Variants in KCNQ5 observed in about 807,000 individuals in gnomAD.
KCNQ5 encodes potassium voltage-gated channel subfamily Q member 5, also known as potassium voltage-gated channel subfamily KQT member 5.
In KCNQ5, 30 loss-of-function variants were observed where a neutral mutation model predicts 98.2. The ratio of observed to expected loss-of-function variants is 0.31; its 90% CI spans 0.23 to 0.41. The LOEUF (loss-of-function observed/expected upper bound fraction) is 0.41, where lower values mean the gene tolerates loss of function less well. Ranked by LOEUF, KCNQ5 falls within the 10% of genes least tolerant of loss-of-function variation. The probability of loss-of-function intolerance (pLI) is 1.00; values close to 1 mark genes in which losing one functional copy is unlikely to be tolerated. For missense variants in KCNQ5, 835 were observed against 1,182.5 expected (o/e 0.71, Z 4.31); for synonymous variants, 458 against 449.4 (o/e 1.02, Z -0.24).
In KCNQ5 at chr6:72,645,571, A is replaced by G. The variant is rs79881484; in HGVS notation, c.398+22984A>G. 9.8e-3 allele frequency among the ~76,000 whole-genome samples: 1,488 copies of G among 152,246 alleles called. 24 individuals are homozygous for G. The highest frequency in any genetic ancestry group is 0.034 in the African/African-American group (1,429 of 41,562). On this transcript the variant is annotated intron_variant, in intron 1 of 13. Transcript: ENST00000370398. ...GACATATGGTATGGAAATTCTCTTCAGGTTGAATTCCCGTTTTTAGTCTAC... is the reference window on the plus strand; with the variant it reads ...GACATATGGTATGGAAATTCTCTTCGGGTTGAATTCCCGTTTTTAGTCTAC...
At chr6:72,973,068 G>A (rs1482042977) in intron 1 of KCNQ5, among the ~76,000 whole-genome samples, 4 of 152,116 alleles carry the variant, frequency 2.6e-5, no homozygotes, top group South Asian at 2.1e-4. Flanking sequence ...AAAAGGAAAC[G>A]CTTTTGGTAA....
chr6:73,194,340 A>G, intron 13 of KCNQ5, 112 bp from the exon 14 acceptor site: 2 of 911,078 alleles, frequency 2.2e-6, no homozygotes, highest in Admixed American at 2.8e-5. Context: ...TTTATATTCA[A>G]TATTTCTTTA....
intron 1 of KCNQ5, among the ~76,000 whole-genome samples, chr6:72,948,272 C>G (rs1201469279): frequency 6.6e-6 from 1 of 151,914 alleles, no homozygotes; most frequent in Non-Finnish European, 1.5e-5. Context: ...TCACAAATGG[C>G]CAAGATCTTT....
chr6:73,144,580 C>T (rs929568789), intron 10 of KCNQ5, among the ~76,000 whole-genome samples: 1 of 152,100 alleles, frequency 6.6e-6, no homozygotes, highest in Admixed American at 6.5e-5. Context: ...ATGTCATGAC[C>T]CTATATCTCT....
intron 10 of KCNQ5, chr6:73,136,692 C>G (rs1441100826): frequency 6.6e-6 from 1 of 152,156 alleles, no homozygotes; most frequent in Non-Finnish European, 1.5e-5. Flanking sequence ...ATCTTTACCT[C>G]TGATTGAATT....
chr6:73,187,143 T>G (rs1016440829), intron 11 of KCNQ5, among the ~76,000 whole-genome samples: 12 of 151,020 alleles, frequency 7.9e-5, no homozygotes, highest in African/African-American at 2.9e-4. Flanking sequence ...CACTGCAAGC[T>G]CTGCCTCCCG....
intron 1 of KCNQ5, among the ~76,000 whole-genome samples, chr6:72,710,776 A>T (rs1264225033): frequency 6.6e-6 from 1 of 152,196 alleles, no homozygotes; most frequent in Non-Finnish European, 1.5e-5. Context: ...TTAACATTGG[A>T]CATATCATTC....
At chr6:72,893,137 C>T (rs558889613) in intron 1 of KCNQ5, among the ~76,000 whole-genome samples, 1 of 152,196 alleles carries the variant, frequency 6.6e-6, no homozygotes, top group East Asian at 1.9e-4. Flanking sequence ...TAGGGTAGAG[C>T]TGGATGCATA....
chr6:73,102,524 A>C (rs1169578089), intron 5 of KCNQ5, among the ~76,000 whole-genome samples: 1 of 152,204 alleles, frequency 6.6e-6, no homozygotes, highest in African/African-American at 2.4e-5. Flanking sequence ...ATATATAAGG[A>C]GCTCTCATGA....
At chr6:72,805,530 G>A (rs1225164424) in intron 1 of KCNQ5, among the ~76,000 whole-genome samples, 1 of 152,004 alleles carries the variant, frequency 6.6e-6, no homozygotes, top group Non-Finnish European at 1.5e-5. Context: ...TGATCTATGT[G>A]TCTGTTTTTA....
chr6:73,076,030 T>C (rs1327731154), intron 3 of KCNQ5, among the ~76,000 whole-genome samples: 1 of 151,814 alleles, frequency 6.6e-6, no homozygotes, highest in African/African-American at 2.4e-5. Context: ...TGTCAAAGGA[T>C]GGAAAGAGGG....
chr6:72,983,299 C>G (rs1768566941), intron 1 of KCNQ5, among the ~76,000 whole-genome samples: 1 of 152,222 alleles, frequency 6.6e-6, no homozygotes, highest in Non-Finnish European at 1.5e-5. Flanking sequence ...CTGTCACTTT[C>G]AGGTACACCA....
chr6:72,711,506 T>C (rs546046957), intron 1 of KCNQ5, among the ~76,000 whole-genome samples: 18 of 151,816 alleles, frequency 1.2e-4, no homozygotes, highest in African/African-American at 4.1e-4. Flanking sequence ...CACATGAGAG[T>C]GGTGCCTGGG....
intron 1 of KCNQ5, among the ~76,000 whole-genome samples, chr6:72,770,484 C>T (rs4707987): frequency 0.6 from 91,467 of 151,886 alleles, 27,575 homozygotes; most frequent in Middle Eastern, 0.66. Context: ...AATACAATGA[C>T]GGTAAATATT....
chr6:73,071,513 G>C (rs1258646124), intron 3 of KCNQ5, among the ~76,000 whole-genome samples: 2 of 152,112 alleles, frequency 1.3e-5, no homozygotes, highest in Non-Finnish European at 2.9e-5. Context: ...AAGAAAGTAG[G>C]TTTATGTGGC....
chr6:72,922,747 T>C (rs908849702), intron 1 of KCNQ5, among the ~76,000 whole-genome samples: 10 of 152,104 alleles, frequency 6.6e-5, no homozygotes, highest in African/African-American at 2.4e-4. Context: ...TTCCTTCTTT[T>C]TTAAGGCTTA....
chr6:72,938,197 T>G (rs1488052004), intron 1 of KCNQ5, among the ~76,000 whole-genome samples: 1 of 152,104 alleles, frequency 6.6e-6, no homozygotes, highest in African/African-American at 2.4e-5. Context: ...CCTGAGGCAC[T>G]GGGGCTTCAA....
chr6:73,166,372 C>T (rs571392285), intron 10 of KCNQ5, among the ~76,000 whole-genome samples: 9 of 150,770 alleles, frequency 6.0e-5, no homozygotes, highest in Non-Finnish European at 1.2e-4. Context: ...GGAGGCAGAG[C>T]TTGCAGTGAG....
chr6:72,828,588 T>C (rs556552847), intron 1 of KCNQ5, among the ~76,000 whole-genome samples: 3 of 152,320 alleles, frequency 2.0e-5, no homozygotes, highest in African/African-American at 7.2e-5. Flanking sequence ...GCAACTTTAC[T>C]GAATTCGTTT....
Sources: gnomAD v4.1 joint callset for allele counts (sites outside exome capture counted in the v4.1 genomes callset) on GRCh38, gnomAD v4.1.1 for gene constraint, MANE v1.5 for transcripts, NCBI Gene and HGNC (gene_info 2026-07-23, HGNC 2026-07-21) for gene names.